The following MTCL1 variants were observed in gnomAD, a reference collection of about 807,000 sequenced individuals.
MTCL1 encodes the protein microtubule cross-linking factor 1.
In MTCL1, 79 loss-of-function variants were observed where a neutral mutation model predicts 141.4. The ratio of observed to expected loss-of-function variants is 0.56; its 90% CI spans 0.47 to 0.67. The LOEUF (loss-of-function observed/expected upper bound fraction) is 0.67. Ranked by LOEUF, MTCL1 falls within the 30% of genes least tolerant of loss-of-function variation. The pLI is 0.00. For missense variants in MTCL1, 2,177 were observed against 2,113.9 expected (o/e 1.03, Z -0.59); for synonymous variants, 914 against 875.8 (o/e 1.04, Z -0.77).
chr18:8,752,582 C>G (rs548762071), intron 4 of MTCL1, among the ~76,000 whole-genome samples: 55 of 152,284 alleles, frequency 3.6e-4, no homozygotes, highest in African/African-American at 1.3e-3. Context: ...TTGTATGCTA[C>G]AGACCCACAG....
At chr18:8,785,981 G>A in exon 7 of MTCL1, 2 of 1,605,594 alleles carry the variant, frequency 1.2e-6, no homozygotes, top group East Asian at 2.2e-5. Context: ...GCCGGCCCGA[G>A]GGGACGAGCG....
intron 13 of MTCL1, among the ~76,000 whole-genome samples, 158 bp downstream of exon 12, chr18:8,819,417 A>G (rs1467866154): frequency 6.6e-6 from 1 of 152,148 alleles, no homozygotes; most frequent in Non-Finnish European, 1.5e-5. Context: ...CACAACACCA[A>G]GGGTTTTGCT....
At chr18:8,812,897 T>C (rs1283323117) in intron 11 of MTCL1, 82 bp from the exon 11 acceptor site, 2 of 1,499,870 alleles carry the variant, frequency 1.3e-6, no homozygotes, top group Non-Finnish European at 1.8e-6. Flanking sequence ...TTTCCAGGGA[T>C]CACATGTAAA....
intron 8 of MTCL1, among the ~76,000 whole-genome samples, chr18:8,795,911 G>T (rs1225643527): frequency 6.6e-6 from 1 of 152,218 alleles, no homozygotes; most frequent in Non-Finnish European, 1.5e-5. Context: ...ATTCAAGTCA[G>T]TGGTAAGCCG....
intron 4 of MTCL1, among the ~76,000 whole-genome samples, chr18:8,727,772 A>G (rs546102): frequency 0.44 from 66,315 of 151,900 alleles, 16,094 homozygotes; most frequent in African/African-American, 0.64. Flanking sequence ...TTTAATGCAT[A>G]TATAAGCATT....
intron 4 of MTCL1, among the ~76,000 whole-genome samples, chr18:8,772,676 GTATGT>G (rs1244503767): frequency 6.6e-6 from 1 of 151,134 alleles, no homozygotes; most frequent in Non-Finnish European, 1.5e-5. Flanking sequence ...AACATAAAAA[GTATGT>G]TATATCTTAA....
chr18:8,821,823 TCTGGGAAA>T (rs2076855511), intron 14 of MTCL1, among the ~76,000 whole-genome samples: 1 of 152,198 alleles, frequency 6.6e-6, no homozygotes, highest in Non-Finnish European at 1.5e-5. Context: ...TCATTTAAAG[TCTGGGAAA>T]ACTCTCTTTT....
intron 11 of MTCL1, chr18:8,809,781 G>T (rs2076420680): frequency 1.5e-6 from 1 of 646,854 alleles, no homozygotes; most frequent in Non-Finnish European, 2.6e-6. Context: ...AACCAGTTGG[G>T]ATGGAAAGGG....
intron 4 of MTCL1, among the ~76,000 whole-genome samples, chr18:8,758,930 C>T (rs962300964): frequency 6.6e-6 from 1 of 152,232 alleles, no homozygotes; most frequent in African/African-American, 2.4e-5. Flanking sequence ...CCTCCACTTA[C>T]TGGAGTTAGT....
chr18:8,811,281 TAAAC>T (rs1487731441), intron 11 of MTCL1: 1 of 152,262 alleles, frequency 6.6e-6, no homozygotes, highest in Non-Finnish European at 1.5e-5. Context: ...CAGGCTCTTT[TAAAC>T]AACCAGCTCT....
chr18:8,727,880 TTCCC>T (rs1037827229), intron 4 of MTCL1, among the ~76,000 whole-genome samples: 20 of 133,572 alleles, frequency 1.5e-4, no homozygotes, highest in African/African-American at 5.2e-4. Flanking sequence ...CTCTCCCTGC[TTCCC>T]TCCCTCCCTC....
In MTCL1 at chr18:8,786,377, G is replaced by T. The variant is rs541505749; in HGVS notation, c.1887+286G>T. 175 of 649,372 alleles carry T rather than the reference G, an allele frequency of 2.7e-4. 2 individuals carry two copies. Among genetic ancestry groups the T allele is most frequent in the South Asian group, 2.5e-3 (163 of 66,294 alleles). 40.2% of individuals were successfully genotyped at this position (649,372 alleles called of 1,614,324 possible). A position where few individuals can be genotyped will look rare whatever the true frequency, so the allele number is the denominator to read the frequency against. On this transcript the variant is annotated intron_variant, in intron 7 of 16. Transcript: ENST00000359865. ...GACCGGGAGCACCTGGAAGTAGGCT[G>T]ATTGGTGAGTGCGCAGTGGCTTCTT...
intron 14 of MTCL1, among the ~76,000 whole-genome samples, chr18:8,823,976 T>C (rs1314296089): frequency 6.6e-6 from 1 of 152,208 alleles, no homozygotes; most frequent in East Asian, 1.9e-4. Context: ...AGTATCAGTA[T>C]GTCCTGTAAG....
intron 10 of MTCL1, 59 bp downstream of exon 9, chr18:8,798,350 G>C (rs530648062): frequency 7.2e-7 from 1 of 1,379,350 alleles, no homozygotes; most frequent in South Asian, 1.8e-5. Flanking sequence ...AGGCTCCTAA[G>C]CTGCATTTGG....
chr18:8,763,757 C>T (rs923363412), intron 4 of MTCL1, among the ~76,000 whole-genome samples: 5 of 152,140 alleles, frequency 3.3e-5, no homozygotes, highest in East Asian at 1.9e-4. Context: ...CACACATCAT[C>T]GGTTTTCTCC....
intron 4 of MTCL1, among the ~76,000 whole-genome samples, chr18:8,747,691 T>A (rs1303667862): frequency 6.6e-6 from 1 of 152,168 alleles, no homozygotes; most frequent in African/African-American, 2.4e-5. Context: ...CTTGAACATA[T>A]CTTCTTGGGG....
At chr18:8,738,185 T>A (rs2096283505) in intron 4 of MTCL1, among the ~76,000 whole-genome samples, 1 of 152,168 alleles carries the variant, frequency 6.6e-6, no homozygotes, top group Non-Finnish European at 1.5e-5. Context: ...CATTCCCACC[T>A]GGGATTTGAG....
intron 4 of MTCL1, among the ~76,000 whole-genome samples, chr18:8,749,343 A>G (rs1036824394): frequency 6.6e-6 from 1 of 152,242 alleles, no homozygotes; most frequent in African/African-American, 2.4e-5. Context: ...GCTGCAAGCC[A>G]TGCTGTCACC....
At chr18:8,809,473 A>G in intron 11 of MTCL1, 2 of 1,535,824 alleles carry the variant, frequency 1.3e-6, no homozygotes, top group Non-Finnish European at 1.7e-6. Flanking sequence ...CCCAGAATTA[A>G]CATTGAGGAG....
Sources: gnomAD v4.1 joint callset for allele counts (sites outside exome capture counted in the v4.1 genomes callset) on GRCh38, gnomAD v4.1.1 for gene constraint, MANE v1.5 for transcripts, NCBI Gene and HGNC (gene_info 2026-07-23, HGNC 2026-07-21) for gene names.